Variants in MCM9 observed in about 807,000 individuals in gnomAD.
The protein encoded by MCM9 is DNA helicase MCM9.
MCM9 carries 55 observed loss-of-function variants against 72.8 expected under a neutral mutation model. The ratio of observed to expected loss-of-function variants is 0.76; its 90% CI spans 0.61 to 0.95. The LOEUF (loss-of-function observed/expected upper bound fraction) is 0.95. MCM9 is among the 40% of genes least tolerant of loss of function. The pLI, the probability that MCM9 is intolerant of heterozygous loss-of-function variation, is 0.00. For synonymous variants in MCM9, 480 were observed against 503.4 expected, an observed-to-expected ratio of 0.95 and a Z score of 0.62; for missense variants, 1,279 against 1,377.0, an observed-to-expected ratio of 0.93 and a Z score of 1.13.
At chr6:118,861,165 C>A (rs923081846) in intron 8 of MCM9, among the ~76,000 whole-genome samples, 3 of 152,212 alleles carry the variant, frequency 2.0e-5, no homozygotes, top group African/African-American at 4.8e-5. Flanking sequence ...CCATGTGAGG[C>A]TGCAGCTGGA....
chr6:118,912,382 T>C (rs1780618756), intron 7 of MCM9: 3 of 152,218 alleles, frequency 2.0e-5, no homozygotes, highest in Admixed American at 1.3e-4. Flanking sequence ...TAGTGAAATA[T>C]GTATCTTAAA....
intron 6 of MCM9, among the ~76,000 whole-genome samples, chr6:118,915,517 A>G (rs1355911250): frequency 6.6e-6 from 1 of 152,208 alleles, no homozygotes; most frequent in Non-Finnish European, 1.5e-5. Flanking sequence ...GTGACAGCAG[A>G]TCAGAATAAG....
intron 8 of MCM9, 76 bp from the exon 9 acceptor site, chr6:118,856,621 G>A (rs1481908476): frequency 2.1e-6 from 3 of 1,448,664 alleles, no homozygotes; most frequent in Admixed American, 2.1e-5. Context: ...GCTCACACCT[G>A]TAATTCCAGC....
At chr6:118,828,693 T>C (rs1774332707) in intron 10 of MCM9, among the ~76,000 whole-genome samples, 1 of 152,150 alleles carries the variant, frequency 6.6e-6, no homozygotes, top group South Asian at 2.1e-4. Flanking sequence ...CCTGAGTAAA[T>C]CTGATTTAAA....
At chr6:118,821,957 G>A (rs1773843963) in intron 13 of MCM9, among the ~76,000 whole-genome samples, 1 of 152,144 alleles carries the variant, frequency 6.6e-6, no homozygotes, top group South Asian at 2.1e-4. Flanking sequence ...TTCTCGTGCT[G>A]TGTTTTTCAG....
intron 9 of MCM9, among the ~76,000 whole-genome samples, chr6:118,843,843 C>A (rs1775677055): frequency 6.7e-6 from 1 of 150,078 alleles, no homozygotes; most frequent in African/African-American, 2.5e-5. Context: ...CACAAATCAG[C>A]CAAACTTTAG....
At position 118,815,547 on chromosome 6, in the gene MCM9, T is replaced by C. The variant is rs191864954; in HGVS notation, c.2709A>G (p.Glu903=). ...GCTTAACATTTTCAATTGCAGGCTC[T>C]TCCACTTGCGCAAGGGATTTCGGTC... is the stretch of plus-strand genomic sequence containing the variant. The part of the protein sequence containing the change: ...RKRPKSLAQV[E]EPAIENVKPP... Residue 903 remains glutamate, a synonymous_variant, in exon 14 of 14, where the codon GAA becomes GAG. Coordinates refer to ENST00000619706, the MANE Select transcript of MCM9 (RefSeq NM_017696.3). The C allele has an allele frequency of 1.2e-4, 180 of 1,549,750 alleles. 1 individual carries two copies. In the East Asian group the frequency reaches 1.9e-3, roughly 16 times the overall value.
At position 118,853,751 on chromosome 6, in the gene MCM9, A is replaced by T. The variant is rs532425760; in HGVS notation, c.1325+2620T>A. Among the ~76,000 whole-genome samples the T allele has an allele frequency of 1.4e-4, 22 of 152,272 alleles. No individual in the cohort carries two copies. The South Asian group carries it at 4.6e-3, about 32-fold the overall frequency. On this transcript the variant is annotated intron_variant, in intron 9 of 13. Coordinates refer to ENST00000619706, the MANE Select transcript of MCM9 (RefSeq NM_017696.3). ...GAGTTCAAGGCTGCAGTGAGCTATGATCGGGCCTCTGTACTCTAACTTGGG... is the reference window on the plus strand; with the variant it reads ...GAGTTCAAGGCTGCAGTGAGCTATGTTCGGGCCTCTGTACTCTAACTTGGG...
chr6:118,913,332 C>T lies in MCM9; in HGVS notation c.993G>A (p.Gly331=). The T allele has an allele frequency of 6.2e-7, 1 of 1,614,114 alleles. No individual in the cohort carries two copies. The highest frequency in any genetic ancestry group is 8.5e-7 in the Non-Finnish European group (1 of 1,180,012). The change falls in exon 7 of 14, where the codon GGG becomes GGA. Residue 331 remains glycine (G), a synonymous_variant. Coordinates refer to ENST00000619706, the MANE Select transcript of MCM9 (RefSeq NM_017696.3). The part of the protein sequence containing the change: ...KLAVAMVLAG[G]IQRTDATGTR... ...TTCCTGTAGCATCAGTCCTTTGAAT[C>T]CCACCAGCCAGCACCATGGCCACAG... is the stretch of plus-strand genomic sequence containing the variant.
chr6:118,826,156 C>A lies in MCM9; in HGVS notation c.1952G>T (p.Arg651Ile). The stretch of plus-strand genomic sequence containing the variant: ...GGTTTTCATTCCTCACCTTTCAAGT[C>A]TTCTAAGCTCTTCACTCAAGAGGCT... ...LQSLLSEELR[R>I]LERLQNQSVH... Residue 651 changes from arginine (R) to isoleucine (I), a missense_variant, in exon 13 of 14, where the codon AGA (arginine) becomes ATA (isoleucine). Transcript: ENST00000619706. 1 of 1,549,860 alleles carries A rather than the reference C, an allele frequency of 6.5e-7. No individual in the cohort carries two copies. The highest frequency in any genetic ancestry group is 1.2e-5 in the South Asian group (1 of 84,016).
intron 9 of MCM9, among the ~76,000 whole-genome samples, chr6:118,843,536 G>A (rs1257965698): frequency 6.7e-6 from 1 of 150,190 alleles, no homozygotes; most frequent in East Asian, 2.0e-4. Context: ...GCTGAGACAG[G>A]AGACTTGCTT....
chr6:118,905,834 G>C (rs1341504353), intron 8 of MCM9: 1 of 1,575,198 alleles, frequency 6.3e-7, no homozygotes, highest in East Asian at 2.3e-5. Flanking sequence ...CTAAGGTAAT[G>C]TTCTTACTAT....
At chr6:118,818,849 A>G (rs1414097319) in intron 13 of MCM9, among the ~76,000 whole-genome samples, 1 of 152,136 alleles carries the variant, frequency 6.6e-6, no homozygotes, top group South Asian at 2.1e-4. Context: ...TTCACATCCC[A>G]TGTAAGTTGT....
At chr6:118,905,954 A>C in intron 8 of MCM9, 1 of 613,092 alleles carries the variant, frequency 1.6e-6, no homozygotes, top group Non-Finnish European at 2.7e-6. Flanking sequence ...TCCTTATGCC[A>C]ACTGGGCAAA....
chr6:118,926,151 T>C (rs1469173471), intron 3 of MCM9, among the ~76,000 whole-genome samples: 2 of 152,196 alleles, frequency 1.3e-5, no homozygotes, highest in African/African-American at 4.8e-5. Context: ...TGAATTTACC[T>C]ATTCTGGAAA....
intron 1 of MCM9, 141 bp from the exon 2 acceptor site, chr6:118,932,881 T>C (rs997817744): frequency 2.6e-5 from 4 of 152,258 alleles, no homozygotes; most frequent in Non-Finnish European, 5.9e-5. Context: ...TATTAAAAAG[T>C]ATGTATCTAC....
chr6:118,895,596 T>C lies in MCM9; in HGVS notation c.1150+16054A>G, dbSNP rs1046178432. Among the ~76,000 whole-genome samples the C allele has an allele frequency of 2.0e-5, 3 of 152,180 alleles. No homozygotes were observed. The South Asian group carries it at 6.2e-4, about 32-fold the overall frequency. On this transcript the variant is annotated intron_variant, in intron 8 of 13. Transcript: ENST00000619706. ...TCAGTCCAAGAATTCTTGGTATTTTTTCTACATATATTTTAAGGTCTTAAA... is the reference window on the plus strand; with the variant it reads ...TCAGTCCAAGAATTCTTGGTATTTTCTCTACATATATTTTAAGGTCTTAAA...
At position 118,826,250 on chromosome 6, in the gene MCM9, A is replaced by G. The variant is rs574773973; in HGVS notation, c.1858T>C (p.Phe620Leu). 1 of 1,550,504 alleles carries G rather than the reference A, an allele frequency of 6.4e-7. No homozygotes were observed. The highest frequency in any genetic ancestry group is 1.2e-5 in the South Asian group (1 of 84,058). Residue 620 changes from phenylalanine to leucine, a missense_variant, in exon 13 of 14, where the codon TTT (phenylalanine) becomes CTT (leucine). Transcript: ENST00000619706. The stretch of plus-strand genomic sequence containing the variant: ...TACTGCTCTCCAGGGTTTTCAGGAA[A>G]GGAAGTGTGGAGGGCATTCACACCT... Reference protein sequence around the residue: ...LGGVNALHTSFPENPGEQYQR... With the variant: ...LGGVNALHTSLPENPGEQYQR...
intron 9 of MCM9, among the ~76,000 whole-genome samples, chr6:118,847,268 A>T (rs1171327646): frequency 6.6e-6 from 1 of 151,682 alleles, no homozygotes; most frequent in African/African-American, 2.4e-5. Flanking sequence ...GATGGAAACA[A>T]CAAACACTGA....
Sources: gnomAD v4.1 joint callset for allele counts (sites outside exome capture counted in the v4.1 genomes callset) on GRCh38, gnomAD v4.1.1 for gene constraint, MANE v1.5 for transcripts, NCBI Gene and HGNC (gene_info 2026-07-23, HGNC 2026-07-21) for gene names.